ETV1: variants seen among roughly 807,000 people sequenced by gnomAD.
The protein encoded by ETV1 is ETS translocation variant 1.
In ETV1, 27 loss-of-function variants were observed where a neutral mutation model predicts 62.3. The ratio of observed to expected loss-of-function variants is 0.43; its 90% CI spans 0.32 to 0.60. The LOEUF (loss-of-function observed/expected upper bound fraction) is 0.60, where lower values mean the gene tolerates loss of function less well. ETV1 is among the 20% of genes least tolerant of loss of function. ETV1 has a pLI of 0.06. For missense variants in ETV1, 605 were observed against 605.8 expected (o/e 1.00, Z 0.01); for synonymous variants, 222 against 199.6 (o/e 1.11, Z -0.94).
chr7:13,955,717 C>T (rs1256717421), intron 6 of ETV1, among the ~76,000 whole-genome samples: 5 of 152,180 alleles, frequency 3.3e-5, no homozygotes, highest in Non-Finnish European at 7.3e-5. Flanking sequence ...TCAGTGAATG[C>T]ACAGATCACA....
At chr7:13,975,927 C>T (rs570969402) in intron 6 of ETV1, among the ~76,000 whole-genome samples, 9 of 152,204 alleles carry the variant, frequency 5.9e-5, no homozygotes, top group South Asian at 2.1e-4. Flanking sequence ...ACTCAGACGA[C>T]GTGTTTAGCT....
At chr7:13,902,246 T>G (rs182446723) in intron 12 of ETV1, among the ~76,000 whole-genome samples, 101 of 152,282 alleles carry the variant, frequency 6.6e-4, no homozygotes, top group Non-Finnish European at 1.3e-3. Flanking sequence ...TCTCTTTGCT[T>G]TATTAGTAAT....
At chr7:13,897,828 A>C (rs1036077899) in intron 13 of ETV1, among the ~76,000 whole-genome samples, 1 of 152,226 alleles carries the variant, frequency 6.6e-6, no homozygotes, top group Admixed American at 6.5e-5. Flanking sequence ...GAGAAAAAAT[A>C]AAATAAAATA....
At chr7:13,938,221 A>G (rs1787039328) in intron 7 of ETV1, among the ~76,000 whole-genome samples, 3 of 152,234 alleles carry the variant, frequency 2.0e-5, no homozygotes, top group Admixed American at 1.3e-4. Flanking sequence ...CTGGGATTAT[A>G]GGCATGAGCC....
chr7:13,912,805 TA>T (rs1178633812), intron 9 of ETV1, among the ~76,000 whole-genome samples: 1 of 152,180 alleles, frequency 6.6e-6, no homozygotes, highest in Non-Finnish European at 1.5e-5. Context: ...ATTATCCCCA[TA>T]AAGTAAGTAA....
At chr7:13,923,465 G>C (rs985152870) in intron 9 of ETV1, among the ~76,000 whole-genome samples, 4 of 152,044 alleles carry the variant, frequency 2.6e-5, no homozygotes, top group African/African-American at 7.2e-5. Context: ...TGCCAGCTTG[G>C]GCCTATGTGA....
intron 13 of ETV1, among the ~76,000 whole-genome samples, chr7:13,896,681 A>AAGAT (rs145935468): frequency 1.4e-5 from 2 of 146,070 alleles, no homozygotes; most frequent in Non-Finnish European, 3.0e-5. Flanking sequence ...GAAATAAAGA[A>AAGAT]AGAAAGAAAA....
intron 6 of ETV1, among the ~76,000 whole-genome samples, chr7:13,957,922 G>A (rs1244673519): frequency 3.3e-5 from 5 of 152,192 alleles, no homozygotes; most frequent in Non-Finnish European, 5.9e-5. Flanking sequence ...ACCGTGATAG[G>A]CCTGGTTTGC....
intron 6 of ETV1, among the ~76,000 whole-genome samples, chr7:13,962,220 TATAA>T (rs1469722008): frequency 1.3e-5 from 2 of 151,566 alleles, no homozygotes; most frequent in African/African-American, 4.8e-5. Context: ...TGTGTATATA[TATAA>T]ATACTCATTT....
At chr7:13,956,399 G>C (rs79731879) in intron 6 of ETV1, among the ~76,000 whole-genome samples, 5,914 of 151,908 alleles carry the variant, frequency 0.039, 312 homozygotes, top group African/African-American at 0.12. Context: ...TTACAGGAGA[G>C]AACTCCATAT....
At chr7:13,919,904 G>C (rs985878335) in intron 9 of ETV1, among the ~76,000 whole-genome samples, 9 of 152,076 alleles carry the variant, frequency 5.9e-5, no homozygotes, top group Non-Finnish European at 1.2e-4. Flanking sequence ...GAGAGAGAGA[G>C]AGAGAGAAGA....
chr7:13,977,568 C>T, intron 5 of ETV1, 88 bp from the exon 6 acceptor site: 1 of 870,678 alleles, frequency 1.1e-6, no homozygotes, highest in Non-Finnish European at 1.8e-6. Flanking sequence ...CAAGTAAGAT[C>T]TTCTTGGGCT....
intron 9 of ETV1, among the ~76,000 whole-genome samples, chr7:13,925,722 C>T (rs1785341604): frequency 1.4e-5 from 2 of 142,488 alleles, no homozygotes; most frequent in Admixed American, 6.9e-5. Context: ...CCCGCCACTG[C>T]GCCCGGCTAA....
At chr7:13,988,768 T>C (rs747824033) in intron 3 of ETV1, 5 of 1,610,964 alleles carry the variant, frequency 3.1e-6, no homozygotes, top group Non-Finnish European at 3.4e-6. Context: ...TCCACTCATG[T>C]TGGGCACTTT....
At chr7:13,955,331 T>A (rs938162488) in intron 6 of ETV1, among the ~76,000 whole-genome samples, 1 of 152,072 alleles carries the variant, frequency 6.6e-6, no homozygotes, top group Non-Finnish European at 1.5e-5. Context: ...CCCCTCAAAA[T>A]AAGGGGAGAT....
intron 9 of ETV1, among the ~76,000 whole-genome samples, chr7:13,929,711 C>A (rs1008223591): frequency 2.6e-5 from 4 of 152,142 alleles, no homozygotes; most frequent in African/African-American, 4.8e-5. Context: ...CTTACTCAGG[C>A]CCTGGAAGTA....
intron 5 of ETV1, among the ~76,000 whole-genome samples, chr7:13,980,655 G>A (rs1781886300): frequency 1.3e-5 from 2 of 152,066 alleles, no homozygotes; most frequent in African/African-American, 2.4e-5. Context: ...GTAATAGCTG[G>A]AGCGGCTCTA....
Position 13,937,200 on chromosome 7 carries a change from T to C in ETV1, c.366-1304A>G, listed in dbSNP as rs75930001. On this transcript the variant is annotated intron_variant, in intron 7 of 13. Coordinates refer to ENST00000430479, the MANE Select transcript of ETV1 (RefSeq NM_004956.5). ...AGCTGCAAAAATCTTTTACAAGGAG[T>C]AAAGGAATATATGCTGCACAAGGCA... 6.9e-3 allele frequency among the ~76,000 whole-genome samples: 1,054 copies of C among 152,118 alleles called. 15 individuals are homozygous for C. Among genetic ancestry groups the C allele is most frequent in the African/African-American group, 0.024 (1,008 of 41,484 alleles).
intron 10 of ETV1, 33 bp from the exon 11 acceptor site, chr7:13,909,733 A>G (rs1783372390): frequency 1.3e-6 from 2 of 1,536,958 alleles, no homozygotes; most frequent in East Asian, 2.2e-5. Context: ...TTTATTCATG[A>G]TAGAAATGAA....
Sources: gnomAD v4.1 joint callset for allele counts (sites outside exome capture counted in the v4.1 genomes callset) on GRCh38, gnomAD v4.1.1 for gene constraint, MANE v1.5 for transcripts, NCBI Gene and HGNC (gene_info 2026-07-23, HGNC 2026-07-21) for gene names.